The following SUPT3H variants were observed in gnomAD, a reference collection of about 807,000 sequenced individuals.
SUPT3H encodes the protein SPT3 homolog, SAGA and STAGA complex component.
Under a neutral mutation model 44.3 loss-of-function variants are expected in SUPT3H, and 44 were observed. The observed-to-expected ratio is 0.99, with a 90% CI of 0.78 to 1.28. The LOEUF is 1.28. Among genes scored for constraint, SUPT3H ranks in the 50% most tolerant of loss-of-function variants. SUPT3H has a pLI of 0.00. For synonymous variants in SUPT3H, 124 were observed against 125.6 expected (o/e 0.99, Z 0.09); for missense variants, 380 against 387.1 (o/e 0.98, Z 0.15).
intron 2 of SUPT3H, among the ~76,000 whole-genome samples, chr6:45,345,668 T>C (rs920834167): frequency 6.6e-6 from 1 of 152,176 alleles, no homozygotes; most frequent in African/African-American, 2.4e-5. Context: ...CCCTCTTACA[T>C]GGACTACTAC....
chr6:45,039,606 C>G (rs540669821), intron 3 of SUPT3H, among the ~76,000 whole-genome samples: 40 of 152,016 alleles, frequency 2.6e-4, no homozygotes, highest in African/African-American at 9.4e-4. Flanking sequence ...ACGGTGAAAC[C>G]CTGTCTCTAC....
At chr6:45,257,325 T>C (rs183073153) in intron 2 of SUPT3H, among the ~76,000 whole-genome samples, 79 of 152,336 alleles carry the variant, frequency 5.2e-4, no homozygotes, top group Non-Finnish European at 6.2e-4. Context: ...GCTGAGATTT[T>C]CACCCAGGCA....
At chr6:45,251,366 C>T (rs1772342806) in intron 2 of SUPT3H, among the ~76,000 whole-genome samples, 2 of 150,644 alleles carry the variant, frequency 1.3e-5, no homozygotes, top group South Asian at 4.2e-4. Flanking sequence ...CTTCTTTAAA[C>T]TTATTCTAAA....
chr6:44,901,403 G>A (rs375864622), intron 10 of SUPT3H, among the ~76,000 whole-genome samples: 3 of 152,258 alleles, frequency 2.0e-5, no homozygotes, highest in South Asian at 2.1e-4. Flanking sequence ...CGATATGATC[G>A]ACTGGAAGAA....
At chr6:45,367,195 G>A (rs1332154527) in intron 1 of SUPT3H, among the ~76,000 whole-genome samples, 1 of 152,074 alleles carries the variant, frequency 6.6e-6, no homozygotes, top group East Asian at 1.9e-4. Flanking sequence ...TATCCCTCTG[G>A]TCTAGTCTGA....
intron 2 of SUPT3H, among the ~76,000 whole-genome samples, chr6:45,258,476 G>C (rs542227954): frequency 6.6e-6 from 1 of 152,144 alleles, no homozygotes; most frequent in South Asian, 2.1e-4. Context: ...ATCTGCAACA[G>C]GTATAAACAA....
intron 2 of SUPT3H, among the ~76,000 whole-genome samples, chr6:45,323,880 C>T (rs936372056): frequency 1.3e-5 from 2 of 152,146 alleles, no homozygotes; most frequent in East Asian, 1.9e-4. Context: ...ACTATATTCT[C>T]TAAGTACAAA....
chr6:44,884,248 G>GA (rs1778748417), intron 10 of SUPT3H, among the ~76,000 whole-genome samples: 1 of 152,004 alleles, frequency 6.6e-6, no homozygotes, highest in Non-Finnish European at 1.5e-5. Flanking sequence ...CAACAAACGT[G>GA]AAAAAAAGCT....
At chr6:45,245,739 C>T (rs914437679) in intron 2 of SUPT3H, among the ~76,000 whole-genome samples, 7 of 152,126 alleles carry the variant, frequency 4.6e-5, no homozygotes, top group African/African-American at 1.7e-4. Flanking sequence ...AATGCTGCTA[C>T]AAACACTGGT....
intron 10 of SUPT3H, among the ~76,000 whole-genome samples, chr6:44,931,553 T>G (rs774365559): frequency 6.6e-6 from 1 of 152,164 alleles, no homozygotes; most frequent in Non-Finnish European, 1.5e-5. Context: ...TCAAAAACAT[T>G]CATGCAAAAG....
chr6:45,134,004 A>T (rs913222762), intron 2 of SUPT3H, among the ~76,000 whole-genome samples: 5 of 152,214 alleles, frequency 3.3e-5, no homozygotes, highest in Non-Finnish European at 7.3e-5. Flanking sequence ...AGGTAATCTC[A>T]TTAATAAAGT....
At position 45,345,492 on chromosome 6, in the gene SUPT3H, C is replaced by T. The variant is rs115029289; in HGVS notation, c.101+19709G>A. 5.3e-3 allele frequency among the ~76,000 whole-genome samples: 805 copies of T among 152,208 alleles called. 5 individuals are homozygous for T. The highest frequency in any genetic ancestry group is 0.018 in the African/African-American group (750 of 41,528). On this transcript the variant is annotated intron_variant, in intron 2 of 10. Coordinates refer to ENST00000371459, the MANE Select transcript of SUPT3H (RefSeq NM_003599.4). ...AACCAGGATACAAATGATAAACCAA[C>T]GCTCAAACCTGCAGCTTAATGGCAC...
intron 2 of SUPT3H, among the ~76,000 whole-genome samples, chr6:45,185,327 T>G (rs545543068): frequency 1.3e-5 from 2 of 152,168 alleles, no homozygotes; most frequent in Non-Finnish European, 2.9e-5. Flanking sequence ...TGGGGGCTAA[T>G]TGGTATTCTA....
chr6:45,279,389 T>A (rs1410740442), intron 2 of SUPT3H, among the ~76,000 whole-genome samples: 2 of 152,204 alleles, frequency 1.3e-5, no homozygotes, highest in African/African-American at 4.8e-5. Context: ...AAGACTCATG[T>A]TGATATGCTA....
At chr6:45,139,077 C>A (rs1188342211) in intron 2 of SUPT3H, among the ~76,000 whole-genome samples, 1 of 152,106 alleles carries the variant, frequency 6.6e-6, no homozygotes, top group Admixed American at 6.5e-5. Context: ...AAAGTCTACC[C>A]CCCTTTTAAG....
chr6:45,001,107 T>C (rs915866761), intron 6 of SUPT3H, among the ~76,000 whole-genome samples: 7 of 152,060 alleles, frequency 4.6e-5, no homozygotes, highest in Admixed American at 2.6e-4. Context: ...TTTTGGTCTT[T>C]GGTTGACAAT....
At chr6:45,220,301 G>A (rs1469085368) in intron 2 of SUPT3H, among the ~76,000 whole-genome samples, 1 of 151,676 alleles carries the variant, frequency 6.6e-6, no homozygotes, top group Non-Finnish European at 1.5e-5. Flanking sequence ...GTGCAACACG[G>A]TTCAACATTC....
At chr6:44,899,366 T>C (rs1357447555) in intron 10 of SUPT3H, 2 of 152,226 alleles carry the variant, frequency 1.3e-5, no homozygotes, top group Admixed American at 6.5e-5. Context: ...CTAAACTTGC[T>C]TGAAATTTAA....
chr6:44,917,485 G>C (rs1167878127), intron 10 of SUPT3H, among the ~76,000 whole-genome samples: 1 of 152,208 alleles, frequency 6.6e-6, no homozygotes, highest in Non-Finnish European at 1.5e-5. Context: ...ATCTCTGGTA[G>C]TGATTTTCTA....
Sources: gnomAD v4.1 joint callset for allele counts (sites outside exome capture counted in the v4.1 genomes callset) on GRCh38, gnomAD v4.1.1 for gene constraint, MANE v1.5 for transcripts, NCBI Gene and HGNC (gene_info 2026-07-23, HGNC 2026-07-21) for gene names.